Variants in DYNC1LI2 observed in about 807,000 individuals in gnomAD.
DYNC1LI2 encodes the protein cytoplasmic dynein 1 light intermediate chain 2.
DYNC1LI2 carries 19 observed loss-of-function variants against 57.8 expected under a neutral mutation model. The ratio of observed to expected loss-of-function variants is 0.33; its 90% CI spans 0.23 to 0.48. The LOEUF (loss-of-function observed/expected upper bound fraction) is 0.48. Among genes scored for constraint, DYNC1LI2 ranks in the 20% least tolerant of loss-of-function variants. The probability of loss-of-function intolerance (pLI) is 0.99; values close to 1 mark genes in which losing one functional copy is unlikely to be tolerated. For missense variants in DYNC1LI2, 470 were observed against 604.2 expected, an observed-to-expected ratio of 0.78 and a Z score of 2.33; for synonymous variants, 256 against 233.4, an observed-to-expected ratio of 1.10 and a Z score of -0.88.
chr16:66,742,052 C>G (rs1295038204), intron 4 of DYNC1LI2, among the ~76,000 whole-genome samples: 1 of 152,110 alleles, frequency 6.6e-6, no homozygotes, highest in Non-Finnish European at 1.5e-5. Context: ...TAATGGAATT[C>G]CAGGGCAGTA....
At chr16:66,733,935 G>A (rs1415232894) in intron 6 of DYNC1LI2, 6 of 361,032 alleles carry the variant, frequency 1.7e-5, no homozygotes, top group Non-Finnish European at 3.1e-5. Flanking sequence ...GCTGAGGTAG[G>A]TGATCACTTG....
At chr16:66,733,939 T>C (rs990454494) in intron 6 of DYNC1LI2, 1 of 367,578 alleles carries the variant, frequency 2.7e-6, no homozygotes, top group Non-Finnish European at 5.0e-6. Flanking sequence ...AGGTAGGTGA[T>C]CACTTGAGGT....
Position 66,730,203 on chromosome 16 carries a change from T to G in DYNC1LI2, c.950A>C (p.Glu317Ala). 2 of 1,613,988 alleles carry G rather than the reference T, an allele frequency of 1.2e-6. No individual in the cohort carries two copies. Among genetic ancestry groups the G allele is most frequent in the South Asian group, 2.2e-5 (2 of 91,058 alleles). The stretch of plus-strand genomic sequence containing the variant: ...TTCATGTAAAATAGCTATTTTCTTT[T>G]CATTGTCCCAGCCTGCAGGTCTAAA... The part of the protein sequence containing the change: ...AVFIPAGWDN[E>A]KKIAILHENF... Residue 317 changes from glutamate to alanine, a missense_variant, in exon 8 of 13, where the codon GAA becomes GCA. Transcript: ENST00000258198.
chr16:66,743,560 CAAAAAA>C (rs56749595), intron 3 of DYNC1LI2, among the ~76,000 whole-genome samples: 2 of 87,164 alleles, frequency 2.3e-5, no homozygotes, highest in South Asian at 4.2e-4. Flanking sequence ...GACTCCATCT[CAAAAAA>C]AAAAAAAAAA....
Position 66,749,338 on chromosome 16 carries a change from A to G in DYNC1LI2, c.182-25T>C, listed in dbSNP as rs371964036. Reference sequence around the variant, plus strand: ...CCTACAAAGGATGTTTGCAAGACAAAGGTGTACTGTTTATTCCGGGCAAGG... The same window carrying G: ...CCTACAAAGGATGTTTGCAAGACAAGGGTGTACTGTTTATTCCGGGCAAGG... On this transcript the variant is annotated intron_variant, in intron 2 of 12. Coordinates refer to ENST00000258198, the MANE Select transcript of DYNC1LI2 (RefSeq NM_006141.3). 37 of 1,609,328 alleles carry G rather than the reference A, an allele frequency of 2.3e-5. No homozygotes were observed. In the Admixed American group the frequency reaches 2.8e-4, roughly 12 times the overall value.
intron 12 of DYNC1LI2, among the ~76,000 whole-genome samples, chr16:66,724,355 T>C (rs1316697535): frequency 6.6e-6 from 1 of 152,084 alleles, no homozygotes; most frequent in Non-Finnish European, 1.5e-5. Context: ...GGCCTAGAAA[T>C]AGACACCTAT....
intron 10 of DYNC1LI2, 88 bp from the exon 11 acceptor site, chr16:66,727,893 T>A: frequency 8.3e-7 from 1 of 1,203,708 alleles, no homozygotes; most frequent in South Asian, 1.4e-5. Flanking sequence ...TTCTGAGGGA[T>A]ATTTTTCACA....
At position 66,720,935 on chromosome 16, in the gene DYNC1LI2, G is replaced by A. The variant is rs766882420; in HGVS notation, c.*2787C>T. ...TCGTGTTTATTGAAGCCAGTAATTAGAGACATCTTTTTTTCCCAGGACTAG... is the reference window on the plus strand; with the variant it reads ...TCGTGTTTATTGAAGCCAGTAATTAAAGACATCTTTTTTTCCCAGGACTAG... On this transcript the variant is annotated 3_prime_UTR_variant, in exon 13 of 13. Coordinates refer to ENST00000258198, the MANE Select transcript of DYNC1LI2 (RefSeq NM_006141.3). 2.0e-5 allele frequency: 3 copies of A among 152,604 alleles called. No individual in the cohort carries two copies. Among genetic ancestry groups the A allele is most frequent in the African/African-American group, 4.8e-5 (2 of 41,420 alleles). 9.5% of individuals were successfully genotyped at this position (152,604 alleles called of 1,614,324 possible).
chr16:66,728,946 T>C, intron 9 of DYNC1LI2, 94 bp downstream of exon 9: 3 of 1,320,086 alleles, frequency 2.3e-6, no homozygotes, highest in Non-Finnish European at 3.3e-6. Flanking sequence ...AAGCTCTTTG[T>C]GACTTCCCAC....
intron 9 of DYNC1LI2, among the ~76,000 whole-genome samples, chr16:66,728,642 T>TA (rs2017578576): frequency 6.6e-6 from 1 of 152,178 alleles, no homozygotes; most frequent in African/African-American, 2.4e-5. Context: ...TTGGGGAAGT[T>TA]ACTCTCCTCA....
chr16:66,744,870 T>C (rs2017907889), intron 3 of DYNC1LI2, among the ~76,000 whole-genome samples: 1 of 151,504 alleles, frequency 6.6e-6, no homozygotes, highest in African/African-American at 2.4e-5. Flanking sequence ...AAATTTATAA[T>C]GTATTTTTAG....
chr16:66,748,277 C>CAAAAAAAAAAAAAAAAAAAAAAAAAA (rs36186799), intron 3 of DYNC1LI2, among the ~76,000 whole-genome samples: 1 of 66,054 alleles, frequency 1.5e-5, no homozygotes, highest in Non-Finnish European at 2.9e-5. Context: ...AACCCTGTCT[C>CAAAAAAAAAAAAAAAAAAAAAAAAAA]AAAAAAAAAA....
chr16:66,724,872 G>GTT (rs2017508621), intron 12 of DYNC1LI2: 3 of 152,096 alleles, frequency 2.0e-5, no homozygotes, highest in African/African-American at 7.2e-5. Context: ...AACAACTAAG[G>GTT]CTTTAGTATA....
rs2017728971 is a variant in DYNC1LI2 at position 66,736,103 on chromosome 16, C to A, written c.671G>T (p.Gly224Val). The A allele has an allele frequency of 6.2e-7, 1 of 1,613,948 alleles. No homozygotes were observed. The highest frequency in any genetic ancestry group is 1.7e-5 in the Admixed American group (1 of 60,000). ...LGDNVLTHNL[G>V]IPVLVVCTKC... ...TGTGCACACCACCAACACCGGGATC[C>A]CCAGGTTATGAGTCAGCACATTGTC... is the stretch of plus-strand genomic sequence containing the variant. The change falls in exon 5 of 13, where the codon GGG (glycine) becomes GTG (valine). Residue 224 changes from glycine to valine, a missense_variant. Transcript: ENST00000258198.
intron 3 of DYNC1LI2, among the ~76,000 whole-genome samples, chr16:66,743,727 A>C (rs2017883433): frequency 6.6e-6 from 1 of 152,110 alleles, no homozygotes; most frequent in Admixed American, 6.5e-5. Context: ...ATGTTTAAAC[A>C]AGCCCTTCTT....
chr16:66,730,351 T>G (rs2017614194), intron 7 of DYNC1LI2, 128 bp from the exon 8 acceptor site: 3 of 769,954 alleles, frequency 3.9e-6, no homozygotes, highest in Non-Finnish European at 6.1e-6. Flanking sequence ...TGGGGGTTGT[T>G]TGTAGCTTTT....
intron 2 of DYNC1LI2, among the ~76,000 whole-genome samples, chr16:66,750,229 C>T (rs1338411610): frequency 6.6e-6 from 1 of 152,168 alleles, no homozygotes; most frequent in African/African-American, 2.4e-5. Flanking sequence ...TTGAAGATCT[C>T]TAAGGGTCCG....
At chr16:66,737,004 G>A (rs1462561878) in intron 4 of DYNC1LI2, among the ~76,000 whole-genome samples, 5 of 152,158 alleles carry the variant, frequency 3.3e-5, no homozygotes, top group African/African-American at 1.2e-4. Context: ...TGGGCACAGT[G>A]GCTCATGCCA....
intron 4 of DYNC1LI2, 118 bp from the exon 5 acceptor site, chr16:66,736,362 C>G: frequency 8.1e-7 from 1 of 1,231,088 alleles, no homozygotes; most frequent in Non-Finnish European, 1.1e-6. Context: ...GTGTGACAAA[C>G]TTCTTAGTCA....
Sources: gnomAD v4.1 joint callset for allele counts (sites outside exome capture counted in the v4.1 genomes callset) on GRCh38, gnomAD v4.1.1 for gene constraint, MANE v1.5 for transcripts, NCBI Gene and HGNC (gene_info 2026-07-23, HGNC 2026-07-21) for gene names.